The following CNTN6 variants were observed in gnomAD, a reference collection of about 807,000 sequenced individuals.
CNTN6 encodes the protein contactin-6.
A neutral mutation model predicts 122.8 loss-of-function variants in CNTN6; 137 were observed. The observed-to-expected ratio is 1.12, with a 90% CI of 0.97 to 1.29. The LOEUF (loss-of-function observed/expected upper bound fraction) is 1.29. Among genes scored for constraint, CNTN6 ranks in the 50% most tolerant of loss-of-function variants. The pLI is 0.00. For missense variants in CNTN6, 1,634 were observed against 1,223.4 expected (o/e 1.34, Z -5.01); for synonymous variants, 570 against 426.0 (o/e 1.34, Z -4.16).
At chr3:1,212,265 T>C (rs1361976595) in intron 2 of CNTN6, among the ~76,000 whole-genome samples, 2 of 150,496 alleles carry the variant, frequency 1.3e-5, no homozygotes, top group Non-Finnish European at 3.0e-5. Flanking sequence ...TTTTTTTTTT[T>C]TTTTTGAGAT....
chr3:1,398,810 C>G (rs1695298593), intron 20 of CNTN6, among the ~76,000 whole-genome samples: 1 of 152,044 alleles, frequency 6.6e-6, no homozygotes, highest in Non-Finnish European at 1.5e-5. Context: ...TCCCAGAGAG[C>G]AAGAGAAGTA....
chr3:1,276,301 T>C (rs1692348496), intron 4 of CNTN6, among the ~76,000 whole-genome samples: 1 of 152,180 alleles, frequency 6.6e-6, no homozygotes, highest in African/African-American at 2.4e-5. Flanking sequence ...CAATATTTAG[T>C]GACTTTTTAA....
intron 2 of CNTN6, among the ~76,000 whole-genome samples, chr3:1,215,917 G>A (rs1451604603): frequency 6.6e-6 from 1 of 152,044 alleles, no homozygotes; most frequent in East Asian, 1.9e-4. Context: ...AGAGAATGAT[G>A]GGGCCAAGGA....
intron 20 of CNTN6, among the ~76,000 whole-genome samples, chr3:1,389,015 C>A (rs1321825961): frequency 6.9e-6 from 1 of 145,348 alleles, no homozygotes; most frequent in Admixed American, 6.9e-5. Flanking sequence ...GAGAACTTCC[C>A]CAATCTAGCA....
intron 2 of CNTN6, among the ~76,000 whole-genome samples, chr3:1,213,684 G>A (rs2094081821): frequency 6.6e-6 from 1 of 151,598 alleles, no homozygotes; most frequent in Non-Finnish European, 1.5e-5. Context: ...TAGCATAGAA[G>A]AATACAAATA....
chr3:1,209,813 T>C (rs2094009547), intron 2 of CNTN6, among the ~76,000 whole-genome samples: 1 of 152,152 alleles, frequency 6.6e-6, no homozygotes, highest in Non-Finnish European at 1.5e-5. Flanking sequence ...GCATTCCTCT[T>C]TTCTTTATTC....
intron 11 of CNTN6, among the ~76,000 whole-genome samples, chr3:1,351,032 ATACTC>A (rs1485146851): frequency 5.3e-5 from 8 of 151,956 alleles, no homozygotes; most frequent in Non-Finnish European, 1.2e-4. Flanking sequence ...CTATGGGAGA[ATACTC>A]TAAGATAATG....
chr3:1,335,877 A>T (rs565564991), intron 11 of CNTN6, among the ~76,000 whole-genome samples: 253 of 152,092 alleles, frequency 1.7e-3, no homozygotes, highest in African/African-American at 5.7e-3. Flanking sequence ...AAAAAATTTT[A>T]AAAAGGAATG....
intron 5 of CNTN6, among the ~76,000 whole-genome samples, chr3:1,285,155 G>T (rs541801826): frequency 6.6e-6 from 1 of 152,306 alleles, no homozygotes; most frequent in African/African-American, 2.4e-5. Flanking sequence ...CAGGTGGATT[G>T]CTGTAGACAG....
intron 6 of CNTN6, 80 bp from the exon 7 acceptor site, chr3:1,297,809 G>T (rs1696532334): frequency 9.7e-7 from 1 of 1,035,486 alleles, no homozygotes; most frequent in Admixed American, 2.0e-5. Context: ...GAAATAATCA[G>T]GTTTTGGTTA....
At chr3:1,189,526 C>G (rs17035159) in intron 2 of CNTN6, among the ~76,000 whole-genome samples, 1,851 of 152,268 alleles carry the variant, frequency 0.012, 33 homozygotes, top group African/African-American at 0.04. Flanking sequence ...TTACCACATT[C>G]ACTTGTACAT....
At chr3:1,120,122 G>A (rs1254759976) in intron 1 of CNTN6, among the ~76,000 whole-genome samples, 6 of 147,560 alleles carry the variant, frequency 4.1e-5, no homozygotes, top group Admixed American at 3.4e-4. Context: ...TTCACCTATT[G>A]ATGGATGTTT....
At chr3:1,107,784 G>C (rs140987705) in intron 1 of CNTN6, among the ~76,000 whole-genome samples, 1 of 151,940 alleles carries the variant, frequency 6.6e-6, no homozygotes, top group Non-Finnish European at 1.5e-5. Context: ...TATCTATAAG[G>C]GTTGTGGTCC....
chr3:1,258,662 A>G (rs770838957), intron 4 of CNTN6, among the ~76,000 whole-genome samples: 17 of 152,048 alleles, frequency 1.1e-4, no homozygotes, highest in Non-Finnish European at 1.6e-4. Context: ...AACTTTTTCA[A>G]CTTTTTCTCC....
At chr3:1,254,873 G>T (rs575525545) in intron 4 of CNTN6, among the ~76,000 whole-genome samples, 1 of 152,228 alleles carries the variant, frequency 6.6e-6, no homozygotes, top group East Asian at 1.9e-4. Context: ...ATGTCCAGCA[G>T]TAAACATTTA....
intron 7 of CNTN6, among the ~76,000 whole-genome samples, chr3:1,300,557 A>AAAAGAAAGAAAGAAAGAAAG (rs202226482): frequency 1.2e-4 from 13 of 107,184 alleles, no homozygotes; most frequent in African/African-American, 1.8e-4. Flanking sequence ...AAGAGAAAGA[A>AAAAGAAAGAAAGAAAGAAAG]AAAGAAAGAA....
chr3:1,155,585 G>A (rs748647544), intron 2 of CNTN6, among the ~76,000 whole-genome samples: 1 of 152,152 alleles, frequency 6.6e-6, no homozygotes, highest in Non-Finnish European at 1.5e-5. Context: ...ACCTAGGCAG[G>A]GGTAACTTCA....
chr3:1,334,456 T>G (rs1209147229), intron 11 of CNTN6, among the ~76,000 whole-genome samples: 2 of 151,996 alleles, frequency 1.3e-5, no homozygotes, highest in Non-Finnish European at 2.9e-5. Flanking sequence ...TAGGAAATAT[T>G]AAACACTATA....
chr3:1,266,803 C>A (rs540539150), intron 4 of CNTN6, among the ~76,000 whole-genome samples: 2 of 152,208 alleles, frequency 1.3e-5, no homozygotes, highest in African/African-American at 4.8e-5. Flanking sequence ...TGCAGTTGTT[C>A]TTGGAAGGGC....
Sources: allele counts gnomAD v4.1 joint callset (sites outside exome capture counted in the v4.1 genomes callset), GRCh38; gene constraint gnomAD v4.1.1; transcripts MANE v1.5; gene names NCBI Gene and HGNC (gene_info 2026-07-23, HGNC 2026-07-21).